Variants in THSD4 observed in about 807,000 individuals in gnomAD.
The protein encoded by THSD4 is thrombospondin type-1 domain-containing protein 4.
THSD4 carries 69 observed loss-of-function variants against 119.0 expected under a neutral mutation model. The ratio of observed to expected loss-of-function variants is 0.58; its 90% CI spans 0.48 to 0.71. The LOEUF (loss-of-function observed/expected upper bound fraction) is 0.71, where lower values mean the gene tolerates loss of function less well. Among genes scored for constraint, THSD4 ranks in the 30% least tolerant of loss-of-function variants. THSD4 has a pLI of 0.00. For missense variants in THSD4, 1,393 were observed against 1,391.1 expected, an observed-to-expected ratio of 1.00 and a Z score of -0.02; for synonymous variants, 524 against 540.4, an observed-to-expected ratio of 0.97 and a Z score of 0.42.
At chr15:71,728,409 G>T in intron 8 of THSD4, 140 bp from the exon 9 acceptor site, 2 of 1,018,920 alleles carry the variant, frequency 2.0e-6, no homozygotes, top group Non-Finnish European at 2.8e-6. Flanking sequence ...TGGCGCCCCA[G>T]GGCCTGGATC....
Position 71,581,076 on chromosome 15 carries a change from C to T in THSD4, c.1153-79454C>T, listed in dbSNP as rs149754353. Among the ~76,000 whole-genome samples the T allele has an allele frequency of 4.7e-4, 71 of 152,176 alleles. 1 individual carries two copies. The East Asian group carries it at 0.013, about 28-fold the overall frequency. On this transcript the variant is annotated intron_variant, in intron 7 of 17. Transcript: ENST00000261862. Reference sequence around the variant, plus strand: ...ATTTCATTTCCTTTGGATATATACTCAGAAGAGGGATAGCTGGATTATAAG... The same window carrying T: ...ATTTCATTTCCTTTGGATATATACTTAGAAGAGGGATAGCTGGATTATAAG...
At chr15:71,273,999 AG>A (rs1298959941) in intron 6 of THSD4, among the ~76,000 whole-genome samples, 1 of 152,206 alleles carries the variant, frequency 6.6e-6, no homozygotes, top group African/African-American at 2.4e-5. Flanking sequence ...AAATTCCAGC[AG>A]GTTTCTCCAT....
chr15:71,319,021 TG>T (rs772789370), intron 6 of THSD4, among the ~76,000 whole-genome samples: 3 of 152,228 alleles, frequency 2.0e-5, no homozygotes, highest in Non-Finnish European at 2.9e-5. Flanking sequence ...TGTTGATTAA[TG>T]GCAGAACTTG....
At chr15:71,358,530 A>G (rs2045852851) in intron 6 of THSD4, among the ~76,000 whole-genome samples, 1 of 152,240 alleles carries the variant, frequency 6.6e-6, no homozygotes, top group South Asian at 2.1e-4. Context: ...CTCTGGGGCC[A>G]GATTTCATAA....
Position 71,663,159 on chromosome 15 carries a change from T to C in THSD4, c.1357+2425T>C, listed in dbSNP as rs139060687. On this transcript the variant is annotated intron_variant, in intron 8 of 17. Coordinates refer to ENST00000261862, the MANE Select transcript of THSD4 (RefSeq NM_024817.3). ...CTTAGCTACTTGGGAGGCTTAGGCATGAGGATCACTTGGGCCCAAGAGGTC... is the reference window on the plus strand; with the variant it reads ...CTTAGCTACTTGGGAGGCTTAGGCACGAGGATCACTTGGGCCCAAGAGGTC... 3.6e-3 allele frequency among the ~76,000 whole-genome samples: 554 copies of C among 151,944 alleles called. 2 individuals are homozygous for C. The highest frequency in any genetic ancestry group is 6.2e-3 in the Non-Finnish European group (420 of 67,960).
intron 6 of THSD4, among the ~76,000 whole-genome samples, chr15:71,380,574 A>C (rs1397872567): frequency 6.6e-6 from 1 of 152,104 alleles, no homozygotes; most frequent in Non-Finnish European, 1.5e-5. Flanking sequence ...GAGCCCATAC[A>C]GACCAATCTA....
chr15:71,105,009 G>T (rs62019146), intron 1 of THSD4, among the ~76,000 whole-genome samples: 23 of 152,044 alleles, frequency 1.5e-4, no homozygotes, highest in Non-Finnish European at 2.8e-4. Flanking sequence ...TAATATTAAT[G>T]GTGGTCAGTT....
At chr15:71,616,147 G>A (rs184792335) in intron 7 of THSD4, among the ~76,000 whole-genome samples, 23 of 151,998 alleles carry the variant, frequency 1.5e-4, no homozygotes, top group Admixed American at 1.0e-3. Flanking sequence ...ATCTAAGCTT[G>A]ATGGCAGTTC....
intron 6 of THSD4, among the ~76,000 whole-genome samples, chr15:71,324,289 G>T (rs1165770674): frequency 6.6e-6 from 1 of 151,922 alleles, no homozygotes; most frequent in African/African-American, 2.4e-5. Flanking sequence ...TTATATGAGT[G>T]TGCAATAATT....
chr15:71,604,630 C>T (rs780052322), intron 7 of THSD4, among the ~76,000 whole-genome samples: 7 of 152,150 alleles, frequency 4.6e-5, no homozygotes, highest in Non-Finnish European at 8.8e-5. Context: ...TTATCTATAT[C>T]AAATCAGCAA....
At chr15:71,310,433 A>C (rs1172869193) in intron 6 of THSD4, among the ~76,000 whole-genome samples, 1 of 152,232 alleles carries the variant, frequency 6.6e-6, no homozygotes, top group African/African-American at 2.4e-5. Flanking sequence ...CTAAAGATAC[A>C]GGGAAAAGTG....
intron 6 of THSD4, among the ~76,000 whole-genome samples, chr15:71,285,190 G>A (rs753935426): frequency 3.9e-5 from 6 of 152,130 alleles, no homozygotes; most frequent in Non-Finnish European, 7.4e-5. Flanking sequence ...TTACAGCTAA[G>A]CATTTTGCAC....
At position 71,780,850 on chromosome 15, in the gene THSD4, G is replaced by A. The variant is rs17811309; in HGVS notation, c.*3476G>A. The stretch of plus-strand genomic sequence containing the variant: ...CTTTAAAAAGAATGGCCTTACAAAG[G>A]GACAGAAAAGAGAAGACACGAGCTT... On this transcript the variant is annotated 3_prime_UTR_variant, in exon 18 of 18. Transcript: ENST00000261862. 0.086 allele frequency: 38,766 copies of A among 452,206 alleles called. 2,025 individuals are homozygous for A. The highest frequency in any genetic ancestry group is 0.12 in the Middle Eastern group (367 of 3,026). 28.0% of individuals were successfully genotyped at this position (452,206 alleles called of 1,614,324 possible).
intron 10 of THSD4, chr15:71,731,644 A>C (rs558281346): frequency 5.2e-6 from 1 of 190,832 alleles, no homozygotes; most frequent in Non-Finnish European, 1.1e-5. Context: ...TTAGCCAGGC[A>C]TGGTGGTGTG....
chr15:71,380,781 AAC>A (rs2046218648), intron 6 of THSD4, among the ~76,000 whole-genome samples: 2 of 150,764 alleles, frequency 1.3e-5, no homozygotes, highest in Admixed American at 1.3e-4. Flanking sequence ...CAGTAGAAGA[AAC>A]ACAGATTGGA....
intron 7 of THSD4, among the ~76,000 whole-genome samples, chr15:71,655,392 G>T (rs2051169601): frequency 6.6e-6 from 1 of 152,176 alleles, no homozygotes; most frequent in South Asian, 2.1e-4. Context: ...AAATGAAGAA[G>T]AAAATATTTC....
intron 8 of THSD4, among the ~76,000 whole-genome samples, chr15:71,705,309 G>C (rs895453541): frequency 3.9e-5 from 6 of 152,116 alleles, no homozygotes; most frequent in Non-Finnish European, 8.8e-5. Context: ...GAAGAGCAAG[G>C]CGGGCGGCAC....
At chr15:71,475,703 G>T (rs1005820188) in intron 7 of THSD4, among the ~76,000 whole-genome samples, 1 of 152,138 alleles carries the variant, frequency 6.6e-6, no homozygotes, top group Non-Finnish European at 1.5e-5. Context: ...CGGGAAGTTT[G>T]TCTGAGGCCA....
chr15:71,694,254 A>T (rs2052117171), intron 8 of THSD4, among the ~76,000 whole-genome samples: 1 of 152,192 alleles, frequency 6.6e-6, no homozygotes, highest in Admixed American at 6.5e-5. Context: ...CTGATTCAGA[A>T]TACTTGGATT....
Sources: gnomAD v4.1 joint callset for allele counts (sites outside exome capture counted in the v4.1 genomes callset) on GRCh38, gnomAD v4.1.1 for gene constraint, MANE v1.5 for transcripts, NCBI Gene and HGNC (gene_info 2026-07-23, HGNC 2026-07-21) for gene names.